The following NCS1 variants were observed in gnomAD, a reference collection of about 807,000 sequenced individuals.
NCS1 encodes frequenin homolog.
In NCS1, 6 loss-of-function variants were observed where a neutral mutation model predicts 28.4. That is an observed-to-expected ratio of 0.21 (90% CI 0.12 to 0.42). The LOEUF is 0.42. Among genes scored for constraint, NCS1 ranks in the 10% least tolerant of loss-of-function variants. The pLI is 1.00. For missense variants in NCS1, 131 were observed against 241.4 expected, an observed-to-expected ratio of 0.54 and a Z score of 3.03; for synonymous variants, 86 against 99.3, an observed-to-expected ratio of 0.87 and a Z score of 0.79.
chr9:130,197,691 G>A (rs1189475116), intron 1 of NCS1, among the ~76,000 whole-genome samples: 1 of 152,158 alleles, frequency 6.6e-6, no homozygotes, highest in African/African-American at 2.4e-5. Flanking sequence ...GGCTGGGCGT[G>A]GTGGCTCACG....
chr9:130,218,839 C>T (rs1011441811), intron 3 of NCS1, among the ~76,000 whole-genome samples: 1 of 152,290 alleles, frequency 6.6e-6, no homozygotes, highest in Middle Eastern at 3.4e-3. Flanking sequence ...GATCCACCCA[C>T]CTTGGTCTCC....
chr9:130,205,789 G>T (rs1250397248), intron 2 of NCS1, among the ~76,000 whole-genome samples: 5 of 151,188 alleles, frequency 3.3e-5, no homozygotes, highest in African/African-American at 9.7e-5. Context: ...AGCTATGATT[G>T]TGTCACTGTA....
intron 6 of NCS1, among the ~76,000 whole-genome samples, 169 bp downstream of exon 6, chr9:130,223,328 A>G (rs1423773886): frequency 6.6e-6 from 1 of 151,630 alleles, no homozygotes; most frequent in Non-Finnish European, 1.5e-5. Flanking sequence ...TCCAGTGTCC[A>G]GAGTCTTAAG....
intron 6 of NCS1, 96 bp downstream of exon 6, chr9:130,223,255 A>T: frequency 2.6e-6 from 3 of 1,154,478 alleles, no homozygotes; most frequent in Non-Finnish European, 3.8e-6. Context: ...CTTTGCTGCC[A>T]ACCTCCTCCA....
chr9:130,217,980 G>C lies in NCS1; in HGVS notation c.228+10G>C. On this transcript the variant is annotated intron_variant, in intron 3 of 7. Coordinates refer to ENST00000372398, the MANE Select transcript of NCS1 (RefSeq NM_014286.4). ...CTTTGATGAAAACAAGGTGAGCTGG[G>C]GATTGATGGGGCCTGCGGCAGCTGG... 1.2e-6 allele frequency: 2 copies of C among 1,614,082 alleles called. No individual in the cohort carries two copies. The highest frequency in any genetic ancestry group is 1.7e-6 in the Non-Finnish European group (2 of 1,180,018).
At position 130,200,921 on chromosome 9, in the gene NCS1, C is replaced by T. The variant is rs199517704; in HGVS notation, c.65-37C>T. 3.3e-4 allele frequency: 526 copies of T among 1,614,088 alleles called. 1 individual carries two copies. The highest frequency in any genetic ancestry group is 4.3e-4 in the Non-Finnish European group (503 of 1,180,004). ...CTGCCCATCTCCCGGGACACCTTCC[C>T]TGAGCTAAAAGCCTACTTTTCTGCT... On this transcript the variant is annotated intron_variant, in intron 1 of 7. Coordinates refer to ENST00000372398, the MANE Select transcript of NCS1 (RefSeq NM_014286.4).
Position 130,215,501 on chromosome 9 carries a change from T to C in NCS1, c.90-2331T>C, listed in dbSNP as rs1332907266. On this transcript the variant is annotated intron_variant, in intron 2 of 7. Coordinates refer to ENST00000372398, the MANE Select transcript of NCS1 (RefSeq NM_014286.4). This position sits in a 1 kb window ranked among gnomAD's most constrained non-coding sequence, Gnocchi z 4.2. The stretch of plus-strand genomic sequence containing the variant: ...TCTGGGTGGGCCTGCGGACATCACA[T>C]GCACGGGAGGGACGGATGCTGGGGT... 6.6e-6 allele frequency among the ~76,000 whole-genome samples: 1 copy of C among 152,236 alleles called. No individual in the cohort carries two copies. The highest frequency in any genetic ancestry group is 2.4e-5 in the African/African-American group (1 of 41,548).
chr9:130,210,354 G>A (rs528967470), intron 2 of NCS1, among the ~76,000 whole-genome samples: 2 of 100,454 alleles, frequency 2.0e-5, no homozygotes, highest in African/African-American at 3.9e-5. Context: ...AGTGTAGATC[G>A]TGCCCCTGTA....
intron 2 of NCS1, among the ~76,000 whole-genome samples, chr9:130,211,053 A>G (rs1488502890): frequency 2.7e-5 from 3 of 109,564 alleles, no homozygotes; most frequent in Non-Finnish European, 5.2e-5. Context: ...GGGTCTTGCT[A>G]TGTTGCCCGG....
chr9:130,190,998 G>A (rs1312690899), intron 1 of NCS1, among the ~76,000 whole-genome samples: 1 of 152,190 alleles, frequency 6.6e-6, no homozygotes, highest in Non-Finnish European at 1.5e-5. Flanking sequence ...TCCCATCTTG[G>A]TGTCTGCCCC....
rs375964088 is a variant in NCS1 at position 130,221,250 on chromosome 9, C to G, written c.308-1400C>G. 2.0e-5 allele frequency among the ~76,000 whole-genome samples: 3 copies of G among 150,356 alleles called. No homozygotes were observed. The East Asian group carries it at 5.8e-4, about 29-fold the overall frequency. ...TGTTGGCCAGGCTGGTCTCGAACTCCTGACCTCAGATGATCCACCCACCTT... is the reference window on the plus strand; with the variant it reads ...TGTTGGCCAGGCTGGTCTCGAACTCGTGACCTCAGATGATCCACCCACCTT... On this transcript the variant is annotated intron_variant, in intron 4 of 7. Transcript: ENST00000372398.
chr9:130,178,834 TC>T, intron 1 of NCS1, among the ~76,000 whole-genome samples: 1 of 14,660 alleles, frequency 6.8e-5, no homozygotes, highest in Non-Finnish European at 1.5e-4. Context: ...GGACTTGGTT[TC>T]CCTCCCCTCC....
intron 2 of NCS1, among the ~76,000 whole-genome samples, chr9:130,217,224 C>T (rs369033262): frequency 2.6e-5 from 4 of 152,218 alleles, no homozygotes; most frequent in East Asian, 3.9e-4. Flanking sequence ...ACGTAGGGAT[C>T]TGGAGGGTTT....
chr9:130,203,871 C>G (rs536665601), intron 2 of NCS1, among the ~76,000 whole-genome samples: 2 of 152,292 alleles, frequency 1.3e-5, no homozygotes, highest in South Asian at 4.1e-4. Context: ...CTGAGTTCCC[C>G]CCGGCGTCCT....
intron 2 of NCS1, among the ~76,000 whole-genome samples, chr9:130,210,716 C>G (rs1833101673): frequency 6.6e-6 from 1 of 152,184 alleles, no homozygotes; most frequent in Admixed American, 6.5e-5. Context: ...GGAACCGTCA[C>G]CTGCCCCAGG....
chr9:130,188,250 C>T (rs1184449080), intron 1 of NCS1, among the ~76,000 whole-genome samples: 1 of 152,216 alleles, frequency 6.6e-6, no homozygotes, highest in East Asian at 1.9e-4. Context: ...TTCCTGAACT[C>T]GCCAGGCTCT....
At chr9:130,197,638 C>G (rs1232623127) in intron 1 of NCS1, among the ~76,000 whole-genome samples, 2 of 152,164 alleles carry the variant, frequency 1.3e-5, no homozygotes, top group Non-Finnish European at 2.9e-5. Flanking sequence ...GGCCAGGACC[C>G]CAGAGATGTG....
chr9:130,195,933 G>C (rs1330431662), intron 1 of NCS1, among the ~76,000 whole-genome samples: 7 of 152,206 alleles, frequency 4.6e-5, no homozygotes, highest in African/African-American at 1.7e-4. Context: ...TGAACCCAGA[G>C]CCCAGAGCCC....
At chr9:130,206,219 T>C (rs1833022098) in intron 2 of NCS1, among the ~76,000 whole-genome samples, 1 of 152,068 alleles carries the variant, frequency 6.6e-6, no homozygotes, top group South Asian at 2.1e-4. Context: ...ACTTCACTGG[T>C]TAACCACGAG....
Sources: allele counts gnomAD v4.1 joint callset (sites outside exome capture counted in the v4.1 genomes callset), GRCh38; gene constraint gnomAD v4.1.1; non-coding constraint Gnocchi (gnomAD v3.1); transcripts MANE v1.5; gene names NCBI Gene and HGNC (gene_info 2026-07-23, HGNC 2026-07-21).